The following CSMD1 variants were observed in gnomAD, a reference collection of about 807,000 sequenced individuals.
CSMD1 encodes CUB and Sushi multiple domains 1.
In CSMD1, 213 loss-of-function variants were observed where a neutral mutation model predicts 417.5. The ratio of observed to expected loss-of-function variants is 0.51; its 90% confidence interval spans 0.46 to 0.57. The LOEUF (loss-of-function observed/expected upper bound fraction) is 0.57. CSMD1 is among the 20% of genes least tolerant of loss of function. The pLI, the probability that CSMD1 is intolerant of heterozygous loss-of-function variation, is 0.00. For synonymous variants in CSMD1, 2,862 were observed against 1,736.8 expected, an observed-to-expected ratio of 1.65 and a Z score of -16.11; for missense variants, 6,923 against 4,529.7, an observed-to-expected ratio of 1.53 and a Z score of -15.17.
At chr8:4,294,071 T>C (rs980109702) in intron 3 of CSMD1, among the ~76,000 whole-genome samples, 18 of 152,222 alleles carry the variant, frequency 1.2e-4, no homozygotes, top group Non-Finnish European at 2.5e-4. Context: ...TGCACCGAAA[T>C]ACTGCGAAGT....
chr8:3,552,989 G>A (rs1045126402), intron 10 of CSMD1, among the ~76,000 whole-genome samples: 1 of 151,970 alleles, frequency 6.6e-6, no homozygotes, highest in Admixed American at 6.6e-5. Context: ...CACATATTTA[G>A]ACCTGTCACG....
intron 37 of CSMD1, among the ~76,000 whole-genome samples, chr8:3,171,855 T>C (rs1386530645): frequency 6.6e-6 from 1 of 152,226 alleles, no homozygotes; most frequent in Non-Finnish European, 1.5e-5. Flanking sequence ...ATAAGTGTGC[T>C]CAGATAGTGC....
chr8:4,431,645 G>A (rs867420335), intron 2 of CSMD1, among the ~76,000 whole-genome samples: 4 of 152,098 alleles, frequency 2.6e-5, no homozygotes, highest in Admixed American at 1.3e-4. Flanking sequence ...AAAAAACAGA[G>A]GCTAACTGGA....
Position 3,731,053 on chromosome 8 carries a change from G to A in CSMD1, c.932-22562C>T, listed in dbSNP as rs147299207. Among the ~76,000 whole-genome samples, 426 of 152,248 alleles carry A rather than the reference G, an allele frequency of 2.8e-3. 2 individuals carry two copies. The highest frequency in any genetic ancestry group is 9.2e-3 in the African/African-American group (384 of 41,536). On this transcript the variant is annotated intron_variant, in intron 6 of 69. Coordinates refer to ENST00000635120, the MANE Select transcript of CSMD1 (RefSeq NM_033225.6). ...TCACTCAGCTGTAATAATTATCACAGCTATTTTTCCTACGTCCTTATACAC... is the reference window on the plus strand; with the variant it reads ...TCACTCAGCTGTAATAATTATCACAACTATTTTTCCTACGTCCTTATACAC...
intron 26 of CSMD1, among the ~76,000 whole-genome samples, chr8:3,239,067 A>G (rs77460298): frequency 0.056 from 8,523 of 152,218 alleles, 401 homozygotes; most frequent in South Asian, 0.23. Context: ...AATGGGCTAT[A>G]CCCTGTAGCA....
chr8:4,751,256 G>A (rs749639277), intron 1 of CSMD1, among the ~76,000 whole-genome samples: 14 of 152,048 alleles, frequency 9.2e-5, no homozygotes, highest in Non-Finnish European at 1.5e-4. Context: ...ATTGTGGCAC[G>A]CACCTGCAGT....
chr8:4,368,676 C>G (rs929059035), intron 3 of CSMD1, among the ~76,000 whole-genome samples: 6 of 152,052 alleles, frequency 3.9e-5, no homozygotes, highest in African/African-American at 1.4e-4. Flanking sequence ...ATTTTAATTT[C>G]TTCCTGGCTT....
chr8:3,962,686 A>G (rs1812408638), intron 5 of CSMD1, among the ~76,000 whole-genome samples: 1 of 152,030 alleles, frequency 6.6e-6, no homozygotes, highest in South Asian at 2.1e-4. Context: ...CTGGGTGGGG[A>G]GTGTGGTGCA....
chr8:3,786,243 G>A (rs912610397), intron 5 of CSMD1, among the ~76,000 whole-genome samples: 7 of 152,156 alleles, frequency 4.6e-5, no homozygotes, highest in South Asian at 2.1e-4. Context: ...AGACATTGTC[G>A]GGAGATGTCA....
At chr8:3,554,847 G>T (rs1185251073) in intron 10 of CSMD1, among the ~76,000 whole-genome samples, 1 of 152,128 alleles carries the variant, frequency 6.6e-6, no homozygotes, top group Non-Finnish European at 1.5e-5. Flanking sequence ...AGTGCTGTGT[G>T]AACAGCCAGC....
intron 2 of CSMD1, among the ~76,000 whole-genome samples, chr8:4,554,347 C>T (rs537913240): frequency 2.0e-5 from 3 of 152,014 alleles, no homozygotes; most frequent in Admixed American, 1.3e-4. Flanking sequence ...ATGTTGCCCA[C>T]GCTGGTCTGA....
intron 3 of CSMD1, among the ~76,000 whole-genome samples, chr8:4,308,250 TTA>T (rs1491493455): frequency 5.3e-4 from 81 of 151,958 alleles, no homozygotes; most frequent in Non-Finnish European, 8.5e-4. Context: ...ATAGTTTTTT[TTA>T]TGTGTGTGTG....
chr8:3,321,384 C>A (rs1184438209), intron 23 of CSMD1, among the ~76,000 whole-genome samples: 1 of 152,144 alleles, frequency 6.6e-6, no homozygotes, highest in Non-Finnish European at 1.5e-5. Flanking sequence ...GATCAAGCTC[C>A]CTTACGGCTG....
intron 3 of CSMD1, among the ~76,000 whole-genome samples, chr8:4,092,086 G>A (rs1028779743): frequency 6.6e-6 from 1 of 152,244 alleles, no homozygotes; most frequent in East Asian, 1.9e-4. Context: ...AAGCTTAAGA[G>A]GGACGTAATT....
In CSMD1 at chr8:3,757,871, A is replaced by AC. The variant is rs71203471; in HGVS notation, c.819-3830_819-3829insG. Among the ~76,000 whole-genome samples, 327 of 149,128 alleles carry AC rather than the reference A, an allele frequency of 2.2e-3. 2 individuals are homozygous for AC. The highest frequency in any genetic ancestry group is 7.5e-3 in the African/African-American group (304 of 40,610). ...TCTCAAAAAACAAACAAACAAACAA[A>AC]AAAAACCAACAACAAAAACACCGAG... is the stretch of plus-strand genomic sequence containing the variant. On this transcript the variant is annotated intron_variant, in intron 5 of 69. Transcript: ENST00000635120.
intron 2 of CSMD1, among the ~76,000 whole-genome samples, chr8:4,597,335 G>C (rs932410653): frequency 6.6e-6 from 1 of 152,098 alleles, no homozygotes; most frequent in Non-Finnish European, 1.5e-5. Flanking sequence ...CAAATAAGCA[G>C]GAGAGATGGC....
At chr8:4,818,954 T>C (rs982101749) in intron 1 of CSMD1, among the ~76,000 whole-genome samples, 1 of 152,158 alleles carries the variant, frequency 6.6e-6, no homozygotes, top group African/African-American at 2.4e-5. Flanking sequence ...GTAATTTATA[T>C]TAAAACTGTG....
At chr8:3,257,123 A>C (rs968454470) in intron 26 of CSMD1, among the ~76,000 whole-genome samples, 15 of 152,258 alleles carry the variant, frequency 9.9e-5, no homozygotes, top group African/African-American at 3.6e-4. Context: ...GGAGTTTGAG[A>C]CCAGCCTGGC....
At chr8:3,348,262 A>C in intron 21 of CSMD1, 101 bp from the exon 22 acceptor site, 1 of 816,544 alleles carries the variant, frequency 1.2e-6, no homozygotes, top group South Asian at 1.7e-5. Flanking sequence ...TCTTCTATCA[A>C]CGTATGTGTG....
Sources: gnomAD v4.1 joint callset for allele counts (sites outside exome capture counted in the v4.1 genomes callset) on GRCh38, gnomAD v4.1.1 for gene constraint, MANE v1.5 for transcripts, NCBI Gene and HGNC (gene_info 2026-07-23, HGNC 2026-07-21) for gene names.